The following CAMKMT variants were observed in gnomAD, a reference collection of about 807,000 sequenced individuals.
CAMKMT encodes the protein calmodulin-lysine N-methyltransferase.
In CAMKMT, 53 loss-of-function variants were observed where a neutral mutation model predicts 48.0. The ratio of observed to expected loss-of-function variants is 1.10; its 90% CI spans 0.89 to 1.39. The LOEUF is 1.39. CAMKMT is among the 40% of genes most tolerant of loss of function. The probability of loss-of-function intolerance (pLI) is 0.00; values close to 1 mark genes in which losing one functional copy is unlikely to be tolerated. For missense variants in CAMKMT, 428 were observed against 402.7 expected, an observed-to-expected ratio of 1.06 and a Z score of -0.54; for synonymous variants, 165 against 152.3, an observed-to-expected ratio of 1.08 and a Z score of -0.61.
At chr2:44,659,080 T>TTC (rs1341925037) in intron 3 of CAMKMT, among the ~76,000 whole-genome samples, 1 of 139,898 alleles carries the variant, frequency 7.1e-6, no homozygotes, top group Non-Finnish European at 1.5e-5. Context: ...GTGTAGTTTT[T>TTC]TTTTTTTTTT....
At chr2:44,558,197 C>G (rs1193060246) in intron 3 of CAMKMT, among the ~76,000 whole-genome samples, 1 of 152,054 alleles carries the variant, frequency 6.6e-6, no homozygotes, top group Non-Finnish European at 1.5e-5. Context: ...CACCACCACA[C>G]TCAGCTAATT....
intron 3 of CAMKMT, among the ~76,000 whole-genome samples, chr2:44,617,536 A>G (rs1290966245): frequency 6.6e-6 from 1 of 152,250 alleles, no homozygotes; most frequent in East Asian, 1.9e-4. Flanking sequence ...AATTCAAACT[A>G]TAAAAGCTCT....
chr2:44,426,851 C>T (rs1684310380), intron 3 of CAMKMT, among the ~76,000 whole-genome samples: 1 of 152,016 alleles, frequency 6.6e-6, no homozygotes, highest in East Asian at 1.9e-4. Context: ...CAAAAAAGAG[C>T]CCAAGTAGCC....
chr2:44,597,758 G>T lies in CAMKMT; in HGVS notation c.377-106525G>T, dbSNP rs991023093. On this transcript the variant is annotated intron_variant, in intron 3 of 10. Coordinates refer to ENST00000378494, the MANE Select transcript of CAMKMT (RefSeq NM_024766.5). ...TTGTTTGTTTGTTTGTCTGTTTTGAGATGGAGTCTTGCTCTTCACCTGGGC... is the reference window on the plus strand; with the variant it reads ...TTGTTTGTTTGTTTGTCTGTTTTGATATGGAGTCTTGCTCTTCACCTGGGC... Among the ~76,000 whole-genome samples the T allele has an allele frequency of 2.0e-5, 3 of 152,070 alleles. No individual in the cohort carries two copies. In the South Asian group the frequency reaches 6.2e-4, roughly 32 times the overall value.
chr2:44,440,253 A>G (rs771703236), intron 3 of CAMKMT, among the ~76,000 whole-genome samples: 3 of 152,208 alleles, frequency 2.0e-5, no homozygotes, highest in Admixed American at 6.5e-5. Context: ...CTAAAAGCCA[A>G]CTTGGGCTCT....
intron 7 of CAMKMT, among the ~76,000 whole-genome samples, chr2:44,717,190 A>G (rs1573152822): frequency 6.6e-6 from 1 of 152,220 alleles, no homozygotes; most frequent in Non-Finnish European, 1.5e-5. Flanking sequence ...ACCTGGACAT[A>G]TAGACTATAT....
intron 3 of CAMKMT, among the ~76,000 whole-genome samples, chr2:44,430,583 C>A (rs542780060): frequency 4.3e-4 from 66 of 151,776 alleles, no homozygotes; most frequent in African/African-American, 1.5e-3. Context: ...GGGCTCCCAT[C>A]CTTTGATTTA....
intron 7 of CAMKMT, among the ~76,000 whole-genome samples, chr2:44,733,422 A>G (rs1239771883): frequency 6.6e-6 from 1 of 152,180 alleles, no homozygotes; most frequent in African/African-American, 2.4e-5. Context: ...TATTAGTTCT[A>G]GAAGCTTATT....
chr2:44,627,697 CTTTTTTT>C lies in CAMKMT; in HGVS notation c.377-76562_377-76556del, dbSNP rs1174344846. Among the ~76,000 whole-genome samples the C allele has an allele frequency of 1.4e-3, 107 of 75,078 alleles. 2 individuals carry two copies. Among genetic ancestry groups the C allele is most frequent in the African/African-American group, 5.7e-3 (96 of 16,702 alleles). 49.3% of individuals were successfully genotyped at this position (75,078 alleles called of 152,430 possible). On this transcript the variant is annotated intron_variant, in intron 3 of 10. Transcript: ENST00000378494. Reference sequence around the variant, plus strand: ...TTATTTATAATGGTCCCATTTTATCCTTTTTTTTTTTTTTTTTTTTTTTTTTTTTTGA... The same window carrying C: ...TTATTTATAATGGTCCCATTTTATCCTTTTTTTTTTTTTTTTTTTTTTTGA...
chr2:44,447,963 G>A (rs1170542037), intron 3 of CAMKMT, among the ~76,000 whole-genome samples: 1 of 152,076 alleles, frequency 6.6e-6, no homozygotes, highest in Non-Finnish European at 1.5e-5. Context: ...TATTGTTTGG[G>A]ATATGTATTT....
rs982313599 is a variant in CAMKMT, at chr2:44,654,807, G to A, written c.377-49476G>A. Reference sequence around the variant, plus strand: ...TGGGATTACAGGCGTGAGCCACTGCGCCCGGCCTACACGCCATTTTAAAAC... The same window carrying A: ...TGGGATTACAGGCGTGAGCCACTGCACCCGGCCTACACGCCATTTTAAAAC... On this transcript the variant is annotated intron_variant, in intron 3 of 10. Transcript: ENST00000378494. 5.9e-5 allele frequency among the ~76,000 whole-genome samples: 9 copies of A among 152,172 alleles called. 1 individual carries two copies. Among genetic ancestry groups the A allele is most frequent in the Admixed American group, 6.5e-5 (1 of 15,282 alleles).
intron 3 of CAMKMT, among the ~76,000 whole-genome samples, chr2:44,520,336 T>A (rs924246041): frequency 3.3e-5 from 5 of 152,132 alleles, no homozygotes; most frequent in African/African-American, 4.8e-5. Context: ...GGAGATCCTC[T>A]TATCTATCTC....
intron 3 of CAMKMT, among the ~76,000 whole-genome samples, chr2:44,430,076 C>T (rs929559766): frequency 2.0e-5 from 3 of 151,652 alleles, no homozygotes; most frequent in Non-Finnish European, 4.4e-5. Flanking sequence ...AATGGGCTTT[C>T]GGCTATGAAT....
intron 3 of CAMKMT, among the ~76,000 whole-genome samples, chr2:44,607,118 A>G (rs1048580610): frequency 2.6e-5 from 4 of 152,348 alleles, no homozygotes; most frequent in African/African-American, 7.2e-5. Flanking sequence ...TAGGAAATGC[A>G]TTCTGTGCAG....
At chr2:44,768,347 A>ATG (rs1680935442) in intron 10 of CAMKMT, among the ~76,000 whole-genome samples, 1 of 88,546 alleles carries the variant, frequency 1.1e-5, no homozygotes, top group Non-Finnish European at 2.2e-5. Context: ...CCCATGATAT[A>ATG]TATATATATA....
Position 44,399,867 on chromosome 2 carries a change from C to T in CAMKMT, c.376+9562C>T, listed in dbSNP as rs945910127. Reference sequence around the variant, plus strand: ...TACAGCCTCGTTTGCCTCCAGTGGTCGCAGTTGTTCTTATCATAATTATTA... The same window carrying T: ...TACAGCCTCGTTTGCCTCCAGTGGTTGCAGTTGTTCTTATCATAATTATTA... On this transcript the variant is annotated intron_variant, in intron 3 of 10. Coordinates refer to ENST00000378494, the MANE Select transcript of CAMKMT (RefSeq NM_024766.5). Among the ~76,000 whole-genome samples the T allele has an allele frequency of 3.3e-5, 5 of 152,190 alleles. No homozygotes were observed. In the South Asian group the frequency reaches 8.3e-4, roughly 25 times the overall value.
At chr2:44,426,016 C>T (rs893608006) in intron 3 of CAMKMT, among the ~76,000 whole-genome samples, 2 of 152,254 alleles carry the variant, frequency 1.3e-5, no homozygotes, top group African/African-American at 4.8e-5. Flanking sequence ...CAGGCGTGAG[C>T]CACTGTGCCC....
chr2:44,423,127 A>T (rs1438884664), intron 3 of CAMKMT, among the ~76,000 whole-genome samples: 1 of 152,160 alleles, frequency 6.6e-6, no homozygotes, highest in African/African-American at 2.4e-5. Flanking sequence ...TTATCCTAGG[A>T]GTGAGCAGTA....
intron 1 of CAMKMT, among the ~76,000 whole-genome samples, chr2:44,365,947 G>C (rs748180214): frequency 7.9e-5 from 12 of 152,174 alleles, no homozygotes; most frequent in South Asian, 2.1e-4. Context: ...TGAAAAAGTT[G>C]GTTAAGAGGT....
Sources: allele counts gnomAD v4.1 joint callset (sites outside exome capture counted in the v4.1 genomes callset), GRCh38; gene constraint gnomAD v4.1.1; transcripts MANE v1.5; gene names NCBI Gene and HGNC (gene_info 2026-07-23, HGNC 2026-07-21).